GRIK3: variants seen among roughly 807,000 people sequenced by gnomAD.
The protein encoded by GRIK3 is glutamate receptor ionotropic, kainate 3.
Under a neutral mutation model 102.5 loss-of-function variants are expected in GRIK3, and 29 were observed. The ratio of observed to expected loss-of-function variants is 0.28; its 90% CI spans 0.21 to 0.39. GRIK3 has a LOEUF of 0.39. GRIK3 is among the 10% of genes least tolerant of loss of function. The pLI, the probability that GRIK3 is intolerant of heterozygous loss-of-function variation, is 1.00. For missense variants in GRIK3, 908 were observed against 1,252.4 expected (o/e 0.73, Z 4.15); for synonymous variants, 511 against 504.9 (o/e 1.01, Z -0.16).
At chr1:36,941,712 T>G (rs1641721776) in intron 1 of GRIK3, among the ~76,000 whole-genome samples, 1 of 152,208 alleles carries the variant, frequency 6.6e-6, no homozygotes, top group Admixed American at 6.5e-5. Flanking sequence ...CATTATCTCC[T>G]TTTGTCTTCA....
chr1:36,886,652 T>C (rs1370498032), intron 2 of GRIK3, among the ~76,000 whole-genome samples: 2 of 152,234 alleles, frequency 1.3e-5, no homozygotes, highest in African/African-American at 4.8e-5. Flanking sequence ...CTTAATTTTT[T>C]TATTGAGATA....
At chr1:37,026,785 A>G (rs1430781639) in intron 1 of GRIK3, among the ~76,000 whole-genome samples, 1 of 152,060 alleles carries the variant, frequency 6.6e-6, no homozygotes, top group African/African-American at 2.4e-5. Context: ...GATCCACCAC[A>G]TTTCATCAGA....
chr1:36,846,317 G>T (rs149362845), intron 9 of GRIK3, among the ~76,000 whole-genome samples: 259 of 152,294 alleles, frequency 1.7e-3, no homozygotes, highest in Middle Eastern at 3.4e-3. Context: ...CTGTCCATCT[G>T]TCTGTCCAGG....
chr1:36,880,860 C>T lies in GRIK3; in HGVS notation c.324G>A (p.Ala108=), dbSNP rs781547971. 109 of 1,611,866 alleles carry T rather than the reference C, an allele frequency of 6.8e-5. No homozygotes were observed. Among genetic ancestry groups the T allele is most frequent in the Middle Eastern group, 3.3e-4 (2 of 6,084 alleles). The change falls in exon 3 of 16, where the codon GCG becomes GCA. Residue 108 remains alanine (A), a synonymous_variant. Transcript: ENST00000373091. The surrounding 1 kb of genome is among the most constrained non-coding windows in gnomAD (Gnocchi z 5.4). ...AGGAGCCCTGTGATGGGCCGAAGAT[C>T]GCCACCACGCCCAGTGCCAGCTGGT... ...ACDQLALGVV[A]IFGPSQGSCT... is the part of the protein sequence containing the mutation.
chr1:36,854,844 A>G (rs1302906408), intron 7 of GRIK3, among the ~76,000 whole-genome samples: 1 of 152,168 alleles, frequency 6.6e-6, no homozygotes, highest in Non-Finnish European at 1.5e-5. Context: ...CCACGCAAGG[A>G]TCATGGTTCC....
At chr1:36,844,307 C>T (rs1033308181) in intron 9 of GRIK3, among the ~76,000 whole-genome samples, 3 of 152,236 alleles carry the variant, frequency 2.0e-5, no homozygotes, top group African/African-American at 7.2e-5. Context: ...CTCTCACTCG[C>T]CTTCCAACCA....
intron 1 of GRIK3, among the ~76,000 whole-genome samples, chr1:36,910,427 G>T (rs1318079525): frequency 6.6e-6 from 1 of 152,240 alleles, no homozygotes; most frequent in African/African-American, 2.4e-5. Flanking sequence ...TCCTGCCAGG[G>T]CCCCCGCAGC....
At chr1:36,966,544 C>CG (rs1238922441) in intron 1 of GRIK3, among the ~76,000 whole-genome samples, 1 of 151,974 alleles carries the variant, frequency 6.6e-6, no homozygotes, top group African/African-American at 2.4e-5. Flanking sequence ...TTGAAGTTAG[C>CG]GGGGGAGTGA....
intron 1 of GRIK3, among the ~76,000 whole-genome samples, chr1:36,980,305 C>G (rs1410699237): frequency 6.6e-6 from 1 of 152,068 alleles, no homozygotes; most frequent in Admixed American, 6.5e-5. Flanking sequence ...CTGCTCAGCC[C>G]TCCAGCCCCA....
rs539116177 is a variant in GRIK3, at chr1:36,982,378, G to A, written c.115+51616C>T. The stretch of plus-strand genomic sequence containing the variant: ...GCCCTGCTTGGCGCACCATCCAGAG[G>A]AGCTGGGAGGACACGAGTCCTTGGA... On this transcript the variant is annotated intron_variant, in intron 1 of 15. Transcript: ENST00000373091. Among the ~76,000 whole-genome samples the A allele has an allele frequency of 5.3e-5, 8 of 152,332 alleles. No homozygotes were observed. The South Asian group carries it at 1.5e-3, about 28-fold the overall frequency.
intron 1 of GRIK3, among the ~76,000 whole-genome samples, chr1:37,005,617 G>A (rs1054722137): frequency 2.6e-5 from 4 of 152,188 alleles, no homozygotes; most frequent in Admixed American, 6.5e-5. Flanking sequence ...CAATAAAGAC[G>A]GGAGGGCTGG....
chr1:36,928,375 T>A (rs1004154083), intron 1 of GRIK3, among the ~76,000 whole-genome samples: 21 of 152,216 alleles, frequency 1.4e-4, no homozygotes, highest in Admixed American at 4.6e-4. Flanking sequence ...CACTTTCACC[T>A]TTCATCGTGG....
intron 1 of GRIK3, among the ~76,000 whole-genome samples, chr1:36,983,692 A>T (rs1642273945): frequency 6.6e-6 from 1 of 152,102 alleles, no homozygotes; most frequent in Non-Finnish European, 1.5e-5. Flanking sequence ...CATGGGGGGA[A>T]ACCTTCAAAA....
intron 9 of GRIK3, among the ~76,000 whole-genome samples, chr1:36,848,602 T>G (rs529249796): frequency 6.6e-6 from 1 of 152,222 alleles, no homozygotes; most frequent in South Asian, 2.1e-4. Flanking sequence ...ATCTCATTCC[T>G]TATCTTCATT....
chr1:36,805,936 C>CAAAAAAAAAA (rs749853809), intron 14 of GRIK3, among the ~76,000 whole-genome samples, 168 bp downstream of exon 14: 34 of 31,272 alleles, frequency 1.1e-3, no homozygotes, highest in East Asian at 1.8e-3. Context: ...AACTCCACCT[C>CAAAAAAAAAA]AAAAAAAAAA....
Position 36,959,873 on chromosome 1 carries a change from C to A in GRIK3, c.116-68777G>T, listed in dbSNP as rs1425291358. On this transcript the variant is annotated intron_variant, in intron 1 of 15. Transcript: ENST00000373091. ...CCTGTGAGCCTGTGTGCCCCATGAG[C>A]CGTGTGCCCCATGATTCTGTGCCCC... Among the ~76,000 whole-genome samples, 15 of 81,056 alleles carry A rather than the reference C, an allele frequency of 1.9e-4. 1 individual carries two copies. In the Admixed American group the frequency reaches 2.1e-3, roughly 11 times the overall value. The allele number at this position is 81,056 out of a possible 152,430, so 53.2% of individuals were successfully genotyped here. A position where few individuals can be genotyped will look rare whatever the true frequency, so the allele number is the denominator to read the frequency against.
chr1:36,827,858 C>G (rs760666674), intron 10 of GRIK3, among the ~76,000 whole-genome samples: 4 of 152,032 alleles, frequency 2.6e-5, no homozygotes, highest in African/African-American at 4.8e-5. Flanking sequence ...GCCCCCACAC[C>G]CCATCACTGA....
At chr1:36,902,903 T>A (rs968678650) in intron 1 of GRIK3, among the ~76,000 whole-genome samples, 50 of 152,032 alleles carry the variant, frequency 3.3e-4, no homozygotes, top group Admixed American at 2.6e-4. Context: ...GATTCTCCTG[T>A]CTCAGCCTCC....
At chr1:37,017,694 A>C (rs1642668634) in intron 1 of GRIK3, among the ~76,000 whole-genome samples, 1 of 152,196 alleles carries the variant, frequency 6.6e-6, no homozygotes, top group African/African-American at 2.4e-5. Context: ...TAGGCTTGTC[A>C]AACCTTAGCC....
Sources: gnomAD v4.1 joint callset for allele counts (sites outside exome capture counted in the v4.1 genomes callset) on GRCh38, gnomAD v4.1.1 for gene constraint, Gnocchi (gnomAD v3.1) non-coding constraint, MANE v1.5 for transcripts, NCBI Gene and HGNC (gene_info 2026-07-23, HGNC 2026-07-21) for gene names.